Variants in GLB1 observed in about 807,000 individuals in gnomAD.
GLB1 encodes beta-galactosidase.
A neutral mutation model predicts 74.0 loss-of-function variants in GLB1; 56 were observed. The observed-to-expected ratio is 0.76, with a 90% CI of 0.61 to 0.94. The LOEUF is 0.94. GLB1 is among the 40% of genes least tolerant of loss of function. The pLI is 0.00. For synonymous variants in GLB1, 323 were observed against 323.6 expected (o/e 1.00, Z 0.02); for missense variants, 787 against 845.5 (o/e 0.93, Z 0.86).
chr3:33,079,875 G>C, intron 1 of GLB1, among the ~76,000 whole-genome samples: 1 of 152,176 alleles, frequency 6.6e-6, no homozygotes, highest in East Asian at 1.9e-4. Context: ...TTGACCTCCT[G>C]GGCTCAAGCG....
At position 33,016,733 on chromosome 3, in the gene GLB1, A is replaced by G; in HGVS notation, c.1455T>C (p.Tyr485=). 1 of 1,614,108 alleles carries G rather than the reference A, an allele frequency of 6.2e-7. No individual in the cohort carries two copies. The highest frequency in any genetic ancestry group is 8.5e-7 in the Non-Finnish European group (1 of 1,179,972). ...LLVENMGRVN[Y]GAYINDFKGL... is the part of the protein sequence containing the mutation. ...CCTTAAAATCGTTGATATATGCACC[A>G]TAGTTCACACGTCCCATGTTCTCTA... Residue 485 remains tyrosine, a synonymous_variant, in exon 14 of 16, where the codon TAT becomes TAC. Coordinates refer to ENST00000307363, the MANE Select transcript of GLB1 (RefSeq NM_000404.4).
At chr3:33,055,934 A>G (rs1183012771) in intron 6 of GLB1, among the ~76,000 whole-genome samples, 1 of 151,934 alleles carries the variant, frequency 6.6e-6, no homozygotes, top group Non-Finnish European at 1.5e-5. Flanking sequence ...CCTCTTAAAA[A>G]ATGTGACTAC....
the GLB1 span, among the ~76,000 whole-genome samples, chr3:32,979,742 C>G: frequency 6.6e-6 from 1 of 150,474 alleles, no homozygotes; most frequent in Non-Finnish European, 1.5e-5. Context: ...GTCCCTGCTA[C>G]TTAGGAGGCT....
downstream of GLB1, among the ~76,000 whole-genome samples, chr3:32,995,400 G>A (rs1176837674): frequency 2.6e-5 from 4 of 152,078 alleles, no homozygotes; most frequent in East Asian, 7.7e-4. Context: ...AATGAAATGA[G>A]GGTATGAGTC....
chr3:33,016,994 C>A (rs939318180), intron 13 of GLB1, among the ~76,000 whole-genome samples, 154 bp from the exon 14 acceptor site: 1 of 152,198 alleles, frequency 6.6e-6, no homozygotes, highest in Non-Finnish European at 1.5e-5. Context: ...GCCCAAGTTA[C>A]CGGCCAGGTC....
the GLB1 span, among the ~76,000 whole-genome samples, chr3:32,986,292 A>G: frequency 7.0e-6 from 1 of 143,838 alleles, no homozygotes; most frequent in Non-Finnish European, 1.5e-5. Flanking sequence ...TAGAGACCCC[A>G]AAATTGATTG....
intron 1 of GLB1, among the ~76,000 whole-genome samples, chr3:33,095,451 T>C (rs1427898245): frequency 6.6e-6 from 1 of 152,050 alleles, no homozygotes; most frequent in African/African-American, 2.4e-5. Flanking sequence ...GCGTGAACCC[T>C]AAAGAAATGT....
intron 6 of GLB1, 74 bp from the exon 7 acceptor site, chr3:33,053,623 G>T (rs1699092565): frequency 1.9e-6 from 3 of 1,597,812 alleles, no homozygotes; most frequent in Non-Finnish European, 2.6e-6. Context: ...AGCCCTTCAT[G>T]GGACTCGGGC....
At chr3:33,065,065 G>A (rs990284234) in intron 5 of GLB1, among the ~76,000 whole-genome samples, 2 of 152,076 alleles carry the variant, frequency 1.3e-5, no homozygotes, top group African/African-American at 2.4e-5. Flanking sequence ...TTCAGTCCAC[G>A]CTGCATGCCT....
chr3:33,060,363 G>A (rs1235052249), intron 5 of GLB1, among the ~76,000 whole-genome samples: 1 of 152,180 alleles, frequency 6.6e-6, no homozygotes, highest in Non-Finnish European at 1.5e-5. Flanking sequence ...TTCCATGAAA[G>A]TTCCTTTTGC....
At chr3:33,063,769 T>G (rs1699547194) in intron 5 of GLB1, among the ~76,000 whole-genome samples, 1 of 152,164 alleles carries the variant, frequency 6.6e-6, no homozygotes, top group Non-Finnish European at 1.5e-5. Context: ...TATCTTCATG[T>G]AGGAAAATGT....
intron 1 of GLB1, among the ~76,000 whole-genome samples, chr3:33,076,736 G>C (rs1027711765): frequency 4.6e-5 from 7 of 152,332 alleles, no homozygotes; most frequent in African/African-American, 1.7e-4. Flanking sequence ...ACACCTATCA[G>C]TTCATCGTAA....
chr3:33,091,735 G>A (rs956313632), intron 1 of GLB1: 1 of 985,302 alleles, frequency 1.0e-6, no homozygotes, highest in Non-Finnish European at 1.2e-6. Flanking sequence ...AGCAGGGTTA[G>A]CCTCTCCAGT....
the GLB1 span, among the ~76,000 whole-genome samples, chr3:32,981,062 G>C: frequency 8.2e-6 from 1 of 121,748 alleles, no homozygotes; most frequent in East Asian, 2.7e-4. Flanking sequence ...CTGCACTCCA[G>C]CCTGGGCAAC....
At chr3:33,065,131 G>C (rs1699619895) in intron 5 of GLB1, among the ~76,000 whole-genome samples, 1 of 152,178 alleles carries the variant, frequency 6.6e-6, no homozygotes, top group African/African-American at 2.4e-5. Flanking sequence ...GGGATCCACA[G>C]AATTAGGGTG....
intron 5 of GLB1, among the ~76,000 whole-genome samples, chr3:33,061,439 G>A (rs926318948): frequency 1.3e-5 from 2 of 152,140 alleles, no homozygotes; most frequent in East Asian, 1.9e-4. Context: ...AACCACCAGA[G>A]AGTAAATATT....
chr3:32,973,205 C>T, the GLB1 span, among the ~76,000 whole-genome samples: 2 of 152,150 alleles, frequency 1.3e-5, no homozygotes, highest in South Asian at 2.1e-4. Context: ...CCCCATCAGT[C>T]TCTCTGATTC....
Position 32,996,796 on chromosome 3 carries a change from C to A in GLB1, c.*249G>T. 2 of 566,428 alleles carry A rather than the reference C, an allele frequency of 3.5e-6. No homozygotes were observed. Among genetic ancestry groups the A allele is most frequent in the South Asian group, 2.1e-5 (1 of 46,890 alleles). The allele number at this position is 566,428 out of a possible 1,614,324, so 35.1% of individuals were successfully genotyped here. On this transcript the variant is annotated 3_prime_UTR_variant, in exon 16 of 16. Transcript: ENST00000307363. ...CTTCCAAAATAAAAATCACTACCACCTTTAAAGCTTCCATTCCAGCCCTGC... is the reference window on the plus strand; with the variant it reads ...CTTCCAAAATAAAAATCACTACCACATTTAAAGCTTCCATTCCAGCCCTGC...
intron 15 of GLB1, among the ~76,000 whole-genome samples, chr3:33,003,940 G>A (rs1257796021): frequency 6.6e-6 from 1 of 152,116 alleles, no homozygotes; most frequent in Non-Finnish European, 1.5e-5. Flanking sequence ...TGAGGCAGGA[G>A]AATCGCTTGA....
Sources: allele counts gnomAD v4.1 joint callset (sites outside exome capture counted in the v4.1 genomes callset), GRCh38; gene constraint gnomAD v4.1.1; transcripts MANE v1.5; gene names NCBI Gene and HGNC (gene_info 2026-07-23, HGNC 2026-07-21).